The following SLF1 variants were observed in gnomAD, a reference collection of about 807,000 sequenced individuals.
SLF1 encodes the protein SMC5/6 complex localization factor 1.
SLF1 carries 105 observed loss-of-function variants against 123.0 expected under a neutral mutation model. That is an observed-to-expected ratio of 0.85 (90% CI 0.73 to 1.00). The LOEUF (loss-of-function observed/expected upper bound fraction) is 1.00. SLF1 is among the 50% of genes least tolerant of loss of function. The pLI is 0.00. For synonymous variants in SLF1, 434 were observed against 406.6 expected (o/e 1.07, Z -0.81); for missense variants, 1,239 against 1,223.0 (o/e 1.01, Z -0.20).
intron 11 of SLF1, among the ~76,000 whole-genome samples, chr5:94,664,866 T>G (rs945591062): frequency 6.6e-6 from 1 of 152,214 alleles, no homozygotes; most frequent in African/African-American, 2.4e-5. Context: ...AATCAAGTCC[T>G]GCAGTTGCTT....
intron 3 of SLF1, chr5:94,629,819 A>T (rs1178077968): frequency 6.6e-6 from 1 of 152,258 alleles, no homozygotes; most frequent in Non-Finnish European, 1.5e-5. Context: ...TACATTGTCC[A>T]TAATGTTCAA....
intron 12 of SLF1, among the ~76,000 whole-genome samples, chr5:94,667,609 GT>G (rs1554067581): frequency 1.3e-5 from 2 of 152,136 alleles, no homozygotes. Flanking sequence ...AGCGAAATAC[GT>G]AAGACCCTTC....
Position 94,653,310 on chromosome 5 carries a change from T to G in SLF1, c.921T>G (p.Ser307Arg). The G allele has an allele frequency of 6.5e-7, 1 of 1,530,426 alleles. No individual in the cohort carries two copies. The highest frequency in any genetic ancestry group is 8.8e-7 in the Non-Finnish European group (1 of 1,140,362). 94.8% of individuals were successfully genotyped at this position (1,530,426 alleles called of 1,614,324 possible). A position where few individuals can be genotyped will look rare whatever the true frequency, so the allele number is the denominator to read the frequency against. ...IKKKDEDIQRSYTLRRKRKKG... is the reference protein window; with the variant it reads ...IKKKDEDIQRRYTLRRKRKKG... Reference sequence around the variant, plus strand: ...AAAAAGATGAAGATATTCAGAGGAGTTATACTTTGAGGAGAAAACGCAAGA... The same window carrying G: ...AAAAAGATGAAGATATTCAGAGGAGGTATACTTTGAGGAGAAAACGCAAGA... The change falls in exon 8 of 21, where the codon AGT (serine) becomes AGG (arginine). Residue 307 changes from serine (S) to arginine (R), a missense_variant. Coordinates refer to ENST00000265140, the MANE Select transcript of SLF1 (RefSeq NM_032290.4).
In SLF1 at chr5:94,670,897, T is replaced by G; in HGVS notation, c.1716T>G (p.Leu572=). ...QNLKITGKAM[L]LEIFWSGSET... is the part of the protein sequence containing the mutation. ...TGAAAATAACAGGAAAGGCAATGCTTCTTGAAATTTTTTGGTCAGGAAGTG... is the reference window on the plus strand; with the variant it reads ...TGAAAATAACAGGAAAGGCAATGCTGCTTGAAATTTTTTGGTCAGGAAGTG... The change falls in exon 14 of 21, where the codon CTT becomes CTG. Residue 572 remains leucine (L), a synonymous_variant. Transcript: ENST00000265140. 1.9e-6 allele frequency: 3 copies of G among 1,550,328 alleles called. No individual in the cohort carries two copies. The highest frequency in any genetic ancestry group is 2.6e-6 in the Non-Finnish European group (3 of 1,146,054).
chr5:94,630,853 A>G lies in SLF1; in HGVS notation c.431+110A>G, dbSNP rs548665318. On this transcript the variant is annotated intron_variant, in intron 4 of 20. Transcript: ENST00000265140. ...TTATTAGCCCAAATGAGCCATGGTG[A>G]TTTACTCCAATCTCCTAGGTAAGCC... is the stretch of plus-strand genomic sequence containing the variant. 157 of 1,191,318 alleles carry G rather than the reference A, an allele frequency of 1.3e-4. 3 individuals are homozygous for G. In the Middle Eastern group the frequency reaches 2.5e-3, roughly 19 times the overall value. The allele number at this position is 1,191,318 out of a possible 1,614,324, so 73.8% of individuals were successfully genotyped here.
intron 14 of SLF1, among the ~76,000 whole-genome samples, chr5:94,673,475 G>C (rs999371085): frequency 5.9e-5 from 9 of 151,962 alleles, no homozygotes; most frequent in Non-Finnish European, 1.3e-4. Flanking sequence ...AGGAGCTCAA[G>C]ACCAGTCTGA....
Position 94,628,929 on chromosome 5 carries a change from G to A in SLF1, c.114+5G>A, listed in dbSNP as rs956590821. On this transcript the variant is annotated splice_donor_5th_base_variant and intron_variant, in intron 2 of 20. Coordinates refer to ENST00000265140, the MANE Select transcript of SLF1 (RefSeq NM_032290.4). ...TGCACTTTTATTAAGAGTGAGGTAA[G>A]AAACTTATCAAAATGTTCAAGATAT... 2.2e-5 allele frequency: 34 copies of A among 1,521,628 alleles called. 1 individual carries two copies. Among genetic ancestry groups the A allele is most frequent in the Middle Eastern group, 3.4e-4 (2 of 5,896 alleles). The allele number at this position is 1,521,628 out of a possible 1,614,324, so 94.3% of individuals were successfully genotyped here.
rs767321157 is a variant in SLF1 at position 94,686,684 on chromosome 5, G to C, written c.2087G>C (p.Ser696Thr). 1 of 1,614,076 alleles carries C rather than the reference G, an allele frequency of 6.2e-7. No homozygotes were observed. The change falls in exon 16 of 21, where the codon AGT (serine) becomes ACT (threonine). Residue 696 changes from serine (S) to threonine (T), a missense_variant. Ser to Thr is a moderately conservative substitution (Grantham distance 58, BLOSUM62 1). Transcript: ENST00000265140. The stretch of plus-strand genomic sequence containing the variant: ...AAGTTGTGTCTACAGAGCTCTGGCA[G>C]TGTTTCTTCTGAGCCACTCTCTCTT... ...FKKLCLQSSG[S>T]VSSEPLSLQK...
intron 3 of SLF1, among the ~76,000 whole-genome samples, chr5:94,630,169 G>A (rs903445591): frequency 2.0e-5 from 3 of 151,694 alleles, no homozygotes; most frequent in Admixed American, 1.3e-4. Flanking sequence ...ATTTTATTTT[G>A]GATTTTAAAG....
intron 4 of SLF1, among the ~76,000 whole-genome samples, chr5:94,636,458 T>C (rs1354482301): frequency 6.6e-6 from 1 of 152,118 alleles, no homozygotes; most frequent in East Asian, 1.9e-4. Context: ...CTTTGGGTTT[T>C]TTTGCTTCGC....
At chr5:94,692,300 T>C in intron 20 of SLF1, 44 bp downstream of exon 20, 5 of 1,576,992 alleles carry the variant, frequency 3.2e-6, no homozygotes, top group South Asian at 1.2e-5. Context: ...ATTATCCAGT[T>C]TTTTGATGAA....
Position 94,692,126 on chromosome 5 carries a change from G to T in SLF1, c.2565G>T (p.Val855=), listed in dbSNP as rs754578220. Residue 855 remains valine, a synonymous_variant, in exon 20 of 21, where the codon GTG becomes GTT. Coordinates refer to ENST00000265140, the MANE Select transcript of SLF1 (RefSeq NM_032290.4). ...LHEACNYGNT[V]CVQEILQRCP... is the part of the protein sequence containing the mutation. ...AAGCCTGTAACTATGGCAACACAGT[G>T]TGTGTCCAGGAAATTTTGCAACGTT... 2 of 1,613,748 alleles carry T rather than the reference G, an allele frequency of 1.2e-6. No homozygotes were observed. Among genetic ancestry groups the T allele is most frequent in the East Asian group, 2.2e-5 (1 of 44,882 alleles).
intron 14 of SLF1, among the ~76,000 whole-genome samples, chr5:94,676,122 C>T (rs928417159): frequency 6.6e-6 from 1 of 152,052 alleles, no homozygotes; most frequent in Non-Finnish European, 1.5e-5. Context: ...TTCCTGAGTA[C>T]TGTCACTGCT....
intron 9 of SLF1, among the ~76,000 whole-genome samples, chr5:94,661,657 CCTGAGAGTAG>C (rs1268031741): frequency 6.6e-6 from 1 of 151,934 alleles, no homozygotes; most frequent in Non-Finnish European, 1.5e-5. Flanking sequence ...GCCTCAGCCT[CCTGAGAGTAG>C]CTAGGATTAT....
chr5:94,675,469 C>G (rs1342070754), intron 14 of SLF1, among the ~76,000 whole-genome samples: 1 of 152,090 alleles, frequency 6.6e-6, no homozygotes, highest in Non-Finnish European at 1.5e-5. Context: ...TAATCTATTT[C>G]TAAAGCTTAT....
chr5:94,673,903 C>G (rs1750758447), intron 14 of SLF1, among the ~76,000 whole-genome samples: 1 of 151,546 alleles, frequency 6.6e-6, no homozygotes, highest in South Asian at 2.1e-4. Flanking sequence ...TGTTTGTGAT[C>G]AAGTAATCCT....
chr5:94,685,335 T>C (rs1407162440), intron 15 of SLF1, among the ~76,000 whole-genome samples: 1 of 152,260 alleles, frequency 6.6e-6, no homozygotes. Context: ...TTATTATGTT[T>C]ACTTTGCTAA....
chr5:94,630,639 A>G lies in SLF1; in HGVS notation c.327A>G (p.Lys109=). 1 of 1,551,738 alleles carries G rather than the reference A, an allele frequency of 6.4e-7. No individual in the cohort carries two copies. Among genetic ancestry groups the G allele is most frequent in the East Asian group, 2.4e-5 (1 of 40,910 alleles). ...RYSPQMQSAP[K]RWREELKRTG... ...CACCTCAAATGCAATCTGCACCTAA[A>G]AGATGGCGTGAAGAACTGAAACGCA... Residue 109 remains lysine (K), a synonymous_variant, in exon 4 of 21, where the codon AAA becomes AAG. Coordinates refer to ENST00000265140, the MANE Select transcript of SLF1 (RefSeq NM_032290.4).
intron 1 of SLF1, among the ~76,000 whole-genome samples, chr5:94,624,139 G>A (rs897702358): frequency 7.2e-5 from 11 of 152,148 alleles, no homozygotes. Flanking sequence ...TGACTAGAAT[G>A]TCCTGTATTC....
Sources: allele counts gnomAD v4.1 joint callset (sites outside exome capture counted in the v4.1 genomes callset), GRCh38; gene constraint gnomAD v4.1.1; transcripts MANE v1.5; gene names NCBI Gene and HGNC (gene_info 2026-07-23, HGNC 2026-07-21).